PGK1: variants seen among roughly 807,000 people sequenced by gnomAD.
The protein encoded by PGK1 is PRP 2.
A neutral mutation model predicts 26.9 loss-of-function variants in PGK1; 3 were observed. That is an observed-to-expected ratio of 0.11 (90% CI 0.05 to 0.29). The LOEUF (loss-of-function observed/expected upper bound fraction) is 0.29. PGK1 is among the 10% of genes least tolerant of loss of function. The probability of loss-of-function intolerance (pLI) is 1.00; values close to 1 mark genes in which losing one functional copy is unlikely to be tolerated. For missense variants in PGK1, 270 were observed against 314.7 expected (o/e 0.86, Z 1.07); for synonymous variants, 125 against 115.3 (o/e 1.08, Z -0.54).
Position 78,123,189 on chromosome X carries a change from G to T in PGK1, c.757-6G>T, listed in dbSNP as rs1557248219. 2 of 1,202,096 alleles carry T rather than the reference G, an allele frequency of 1.7e-6. No individual in the cohort carries two copies. The highest frequency in any genetic ancestry group is 5.9e-5 in the East Asian group (2 of 33,821). On this transcript the variant is annotated splice_polypyrimidine_tract_variant and splice_region_variant and intron_variant, in intron 7 of 10. Coordinates refer to ENST00000373316, the MANE Select transcript of PGK1 (RefSeq NM_000291.4). ...TGACCTCCATCATTTTGGCTCCCCT[G>T]TGTAGATTGGCACTTCTCTGTTTGA...
rs1557248888 is a variant in PGK1, at chrX:78,128,080, AGAAT to A, written c.*2256_*2259del. 2 of 112,777 alleles carry A rather than the reference AGAAT, an allele frequency of 1.8e-5. No homozygotes were observed. Among genetic ancestry groups the A allele is most frequent in the African/African-American group, 6.5e-5 (2 of 30,983 alleles). 9.3% of individuals were successfully genotyped at this position (112,777 alleles called of 1,213,427 possible). A position where few individuals can be genotyped will look rare whatever the true frequency, so the allele number is the denominator to read the frequency against. On this transcript the variant is annotated 3_prime_UTR_variant, in exon 11 of 11. Coordinates refer to ENST00000373316, the MANE Select transcript of PGK1 (RefSeq NM_000291.4). Reference sequence around the variant, plus strand: ...TCATTTATTTGGGTTGTTAACCTAAAGAATGAATGGGGGAATCTCCAGTCATAAA... The same window carrying A: ...TCATTTATTTGGGTTGTTAACCTAAAGAATGGGGGAATCTCCAGTCATAAA...
intron 2 of PGK1, 22 bp from the exon 3 acceptor site, chrX:78,113,722 T>C (rs781969198): frequency 2.5e-6 from 3 of 1,200,775 alleles, no homozygotes; most frequent in Non-Finnish European, 3.4e-6. Context: ...TCATTCTGTT[T>C]GTTGTCTCTC....
At position 78,122,409 on chromosome X, in the gene PGK1, TTGTGTGTGTGTGTGTGTGTGTGTG is replaced by T. The variant is rs201442984; in HGVS notation, c.642-406_642-383del. 4.4e-3 allele frequency among the ~76,000 whole-genome samples: 388 copies of T among 88,951 alleles called. 1 individual carries two copies. The highest frequency in any genetic ancestry group is 0.016 in the African/African-American group (373 of 22,747). 77.2% of individuals were successfully genotyped at this position (88,951 alleles called of 115,157 possible). On this transcript the variant is annotated intron_variant, in intron 6 of 10. Transcript: ENST00000373316. ...AATTAGCAATCTTGATGCTCTGAAT[TTGTGTGTGTGTGTGTGTGTGTGTG>T]TGTGTGTGTGTGTGTGTGTTGGGGA... is the stretch of plus-strand genomic sequence containing the variant.
chrX:78,122,364 T>C lies in PGK1; in HGVS notation c.642-471T>C, dbSNP rs139415274. Reference sequence around the variant, plus strand: ...CTGAGTGGCTCTGGGATCCCACAATTAGCAATCGTGCTTAGATACAATTAG... The same window carrying C: ...CTGAGTGGCTCTGGGATCCCACAATCAGCAATCGTGCTTAGATACAATTAG... On this transcript the variant is annotated intron_variant, in intron 6 of 10. Coordinates refer to ENST00000373316, the MANE Select transcript of PGK1 (RefSeq NM_000291.4). 1.3e-3 allele frequency among the ~76,000 whole-genome samples: 138 copies of C among 109,492 alleles called. 1 individual carries two copies. The highest frequency in any genetic ancestry group is 4.1e-3 in the African/African-American group (124 of 30,019).
At chrX:78,117,285 A>G in intron 4 of PGK1, 27 bp from the exon 5 acceptor site, 1 of 1,005,163 alleles carries the variant, frequency 9.9e-7, no homozygotes, top group Non-Finnish European at 1.4e-6. Flanking sequence ...GAGCCATCAC[A>G]TTTTCTGTTT....
At chrX:78,119,125 T>C (rs782521771) in intron 6 of PGK1, among the ~76,000 whole-genome samples, 11 of 110,856 alleles carry the variant, frequency 9.9e-5, no homozygotes, top group East Asian at 5.7e-4. Flanking sequence ...AACCATATAA[T>C]CTGGCAGGGT....
chrX:78,114,256 G>C lies in PGK1; in HGVS notation c.417+96G>C, dbSNP rs781783520. 1.7e-4 allele frequency: 154 copies of C among 894,715 alleles called. 1 individual carries two copies. In the African/African-American group the frequency reaches 2.4e-3, roughly 14 times the overall value. The allele number at this position is 894,715 out of a possible 1,213,427, so 73.7% of individuals were successfully genotyped here. ...GAGAAAGCTCATTTATTTTAACTTA[G>C]ACACCTTTTATTGAAGCATACAATG... On this transcript the variant is annotated intron_variant, in intron 4 of 10. Coordinates refer to ENST00000373316, the MANE Select transcript of PGK1 (RefSeq NM_000291.4).
rs181337622 is a variant in PGK1, at chrX:78,106,189, A to C, written c.65+1784A>C. On this transcript the variant is annotated intron_variant, in intron 1 of 10. Coordinates refer to ENST00000373316, the MANE Select transcript of PGK1 (RefSeq NM_000291.4). ...TAGCACACGCTAACCCAAAGCCTTG[A>C]AATGATTGGCTAGTCCTGTTTTGCT... 1.4e-3 allele frequency among the ~76,000 whole-genome samples: 152 copies of C among 111,751 alleles called. 1 individual carries two copies. The highest frequency in any genetic ancestry group is 4.0e-3 in the African/African-American group (124 of 30,674).
intron 6 of PGK1, among the ~76,000 whole-genome samples, chrX:78,121,402 A>G (rs781882647): frequency 4.8e-4 from 52 of 107,918 alleles, no homozygotes; most frequent in Middle Eastern, 4.8e-3. Context: ...TTGTGTGTGT[A>G]TGTGTGTGTG....
At chrX:78,118,486 G>A (rs1252212393) in intron 6 of PGK1, among the ~76,000 whole-genome samples, 5 of 110,817 alleles carry the variant, frequency 4.5e-5, no homozygotes, top group African/African-American at 1.6e-4. Context: ...GGCTGAGGTG[G>A]GAGGATCACT....
chrX:78,112,777 A>C (rs1213918506), intron 2 of PGK1, among the ~76,000 whole-genome samples: 1 of 112,395 alleles, frequency 8.9e-6, no homozygotes, highest in Non-Finnish European at 1.9e-5. Flanking sequence ...ACAGTGAAAG[A>C]ATGCATGACA....
At chrX:78,110,454 C>A (rs1311293449) in intron 2 of PGK1, among the ~76,000 whole-genome samples, 3 of 110,220 alleles carry the variant, frequency 2.7e-5, no homozygotes, top group Non-Finnish European at 5.7e-5. Context: ...GCCCCCATAC[C>A]TGGCAGAGTT....
intron 1 of PGK1, among the ~76,000 whole-genome samples, chrX:78,107,664 T>TG (rs1557246347): frequency 8.9e-6 from 1 of 111,900 alleles, no homozygotes; most frequent in Non-Finnish European, 1.9e-5. Flanking sequence ...GTTTCTGATT[T>TG]GGGGCTATTA....
intron 4 of PGK1, among the ~76,000 whole-genome samples, chrX:78,115,969 C>T (rs1380055639): frequency 9.1e-6 from 1 of 110,321 alleles, no homozygotes; most frequent in Non-Finnish European, 1.9e-5. Context: ...CTGCCTCATC[C>T]TTGTAGGGAG....
chrX:78,125,466 G>A (rs1557248574), intron 10 of PGK1, 41 bp downstream of exon 10: 3 of 899,765 alleles, frequency 3.3e-6, no homozygotes, highest in East Asian at 3.1e-5. Flanking sequence ...GGATAAGGGT[G>A]GACTGTGCAG....
In PGK1 at chrX:78,122,800, C is replaced by T. The variant is rs2078362771; in HGVS notation, c.642-35C>T. 4.9e-6 allele frequency: 4 copies of T among 818,432 alleles called. No homozygotes were observed. The African/African-American group carries it at 8.1e-5, about 16-fold the overall frequency. 67.4% of individuals were successfully genotyped at this position (818,432 alleles called of 1,213,427 possible). On this transcript the variant is annotated intron_variant, in intron 6 of 10. Coordinates refer to ENST00000373316, the MANE Select transcript of PGK1 (RefSeq NM_000291.4). ...TGTAATACCACTTCTCTAGTCCATTCTTCTTTAAGTGATGATTCTTGCTTT... is the reference window on the plus strand; with the variant it reads ...TGTAATACCACTTCTCTAGTCCATTTTTCTTTAAGTGATGATTCTTGCTTT...
chrX:78,124,851 T>A (rs782388400), intron 8 of PGK1, 23 bp from the exon 9 acceptor site: 6 of 1,195,723 alleles, frequency 5.0e-6, no homozygotes, highest in Non-Finnish European at 6.8e-6. Flanking sequence ...TAGCTCATCT[T>A]CTCTTTCACC....
intron 1 of PGK1, among the ~76,000 whole-genome samples, 193 bp downstream of exon 1, chrX:78,104,598 C>T (rs1274230679): frequency 9.0e-6 from 1 of 111,217 alleles, no homozygotes; most frequent in African/African-American, 3.3e-5. Context: ...CAGAAAGCAC[C>T]CGAAGTCACC....
intron 9 of PGK1, 133 bp downstream of exon 9, chrX:78,125,184 A>T: frequency 1.4e-6 from 1 of 732,486 alleles, no homozygotes; most frequent in African/African-American, 2.1e-5. Context: ...TAGGTAATTT[A>T]CAGAGGAGCC....
Sources: gnomAD v4.1 joint callset for allele counts (sites outside exome capture counted in the v4.1 genomes callset) on GRCh38, gnomAD v4.1.1 for gene constraint, MANE v1.5 for transcripts, NCBI Gene and HGNC (gene_info 2026-07-23, HGNC 2026-07-21) for gene names.